The following ZBTB20 variants were observed in gnomAD, a reference collection of about 807,000 sequenced individuals.
ZBTB20 encodes the protein zinc finger and BTB domain-containing protein 20.
A neutral mutation model predicts 56.9 loss-of-function variants in ZBTB20; 9 were observed. That is an observed-to-expected ratio of 0.16 (90% CI 0.10 to 0.28). The LOEUF (loss-of-function observed/expected upper bound fraction) is 0.28. ZBTB20 is among the 10% of genes least tolerant of loss of function. The pLI, the probability that ZBTB20 is intolerant of heterozygous loss-of-function variation, is 1.00. For missense variants in ZBTB20, 655 were observed against 1,003.0 expected, an observed-to-expected ratio of 0.65 and a Z score of 4.69; for synonymous variants, 417 against 420.7, an observed-to-expected ratio of 0.99 and a Z score of 0.11.
At chr3:114,812,684 C>A (rs1238433758) in intron 4 of ZBTB20, among the ~76,000 whole-genome samples, 1 of 152,234 alleles carries the variant, frequency 6.6e-6, no homozygotes, top group Non-Finnish European at 1.5e-5. Flanking sequence ...GCCAGTCCGT[C>A]GCCGTGGGCC....
At chr3:114,977,689 T>G (rs2078159476) in intron 2 of ZBTB20, among the ~76,000 whole-genome samples, 1 of 152,148 alleles carries the variant, frequency 6.6e-6, no homozygotes, top group African/African-American at 2.4e-5. Flanking sequence ...CAAGGACCTC[T>G]AAGAAAATAC....
At chr3:114,474,130 C>T (rs188553697) in intron 7 of ZBTB20, among the ~76,000 whole-genome samples, 115 of 152,272 alleles carry the variant, frequency 7.6e-4, no homozygotes, top group African/African-American at 2.7e-3. Context: ...AAGACAAGCC[C>T]CCTGATTCAA....
chr3:114,588,951 G>A (rs1276375076), intron 6 of ZBTB20, among the ~76,000 whole-genome samples: 2 of 152,078 alleles, frequency 1.3e-5, no homozygotes, highest in Non-Finnish European at 2.9e-5. Flanking sequence ...CTCTTCACCG[G>A]GCAACAGGAG....
At chr3:114,595,987 T>C (rs1385646734) in intron 6 of ZBTB20, among the ~76,000 whole-genome samples, 6 of 152,196 alleles carry the variant, frequency 3.9e-5, no homozygotes, top group Admixed American at 3.9e-4. Context: ...ATTTAACTGA[T>C]AGAGTAGGGA....
At chr3:115,036,934 T>C (rs767973527) in intron 2 of ZBTB20, among the ~76,000 whole-genome samples, 3 of 152,200 alleles carry the variant, frequency 2.0e-5, no homozygotes, top group Non-Finnish European at 2.9e-5. Context: ...GAGAGCATTC[T>C]AAAATATAAT....
intron 4 of ZBTB20, among the ~76,000 whole-genome samples, chr3:114,891,287 TA>T (rs1003289963): frequency 6.6e-6 from 1 of 151,950 alleles, no homozygotes; most frequent in African/African-American, 2.4e-5. Flanking sequence ...CTGCCTAACT[TA>T]AAAAAAATGT....
intron 1 of ZBTB20, among the ~76,000 whole-genome samples, chr3:115,120,130 C>T (rs567272417): frequency 2.6e-5 from 4 of 151,960 alleles, no homozygotes; most frequent in Admixed American, 2.6e-4. Context: ...TTATTCAAAC[C>T]CATAAAATGT....
chr3:114,771,477 GA>G (rs2069194282), intron 5 of ZBTB20, among the ~76,000 whole-genome samples: 1 of 151,986 alleles, frequency 6.6e-6, no homozygotes, highest in South Asian at 2.1e-4. Flanking sequence ...TTTTACTTGG[GA>G]AATTATCCTT....
At chr3:115,000,120 CTAATATT>C (rs2079189611) in intron 2 of ZBTB20, among the ~76,000 whole-genome samples, 1 of 151,412 alleles carries the variant, frequency 6.6e-6, no homozygotes, top group South Asian at 2.1e-4. Flanking sequence ...GCAATACCAT[CTAATATT>C]TAACTTTGAA....
intron 4 of ZBTB20, among the ~76,000 whole-genome samples, chr3:114,885,727 T>A (rs2076579326): frequency 6.6e-6 from 1 of 152,218 alleles, no homozygotes; most frequent in Non-Finnish European, 1.5e-5. Context: ...TCATTTTCAT[T>A]TCTATTTCAT....
At chr3:114,998,059 C>T (rs1185033449) in intron 2 of ZBTB20, among the ~76,000 whole-genome samples, 3 of 151,662 alleles carry the variant, frequency 2.0e-5, no homozygotes, top group African/African-American at 7.3e-5. Context: ...ATGATTACTA[C>T]AGTCAAGCAA....
chr3:114,769,552 C>CATATATAT lies in ZBTB20; in HGVS notation c.-343+31541_-343+31548dup, dbSNP rs6148023. On this transcript the variant is annotated intron_variant, in intron 5 of 11. Transcript: ENST00000675478. ...CTTTGTTTTACTGTGTGCCAAAATGCATATATATATATATATATATATATA... is the reference window on the plus strand; with the variant it reads ...CTTTGTTTTACTGTGTGCCAAAATGCATATATATATATATATATATATATATATATATA... Among the ~76,000 whole-genome samples the CATATATAT allele has an allele frequency of 1.2e-3, 142 of 116,686 alleles. 1 individual carries two copies. Among genetic ancestry groups the CATATATAT allele is most frequent in the African/African-American group, 2.4e-3 (53 of 22,240 alleles). The allele number at this position is 116,686 out of a possible 152,430, so 76.6% of individuals were successfully genotyped here.
rs535897492 is a variant in ZBTB20 at position 114,537,275 on chromosome 3, T to C, written c.-294-36884A>G. Among the ~76,000 whole-genome samples the C allele has an allele frequency of 9.9e-5, 15 of 152,080 alleles. No homozygotes were observed. The East Asian group carries it at 2.9e-3, about 29-fold the overall frequency. On this transcript the variant is annotated intron_variant, in intron 6 of 11. Transcript: ENST00000675478. ...GCTAATATCCAGAATCAACAAGGAA[T>C]TTAAACAAATTTACAAGAAAAAAAC...
intron 7 of ZBTB20, among the ~76,000 whole-genome samples, chr3:114,437,275 T>A (rs2090581053): frequency 6.6e-6 from 1 of 152,168 alleles, no homozygotes; most frequent in Admixed American, 6.5e-5. Context: ...AGAGATGTCA[T>A]GGTTTATCAA....
chr3:114,918,819 T>C (rs2107745018), intron 3 of ZBTB20, among the ~76,000 whole-genome samples: 1 of 152,328 alleles, frequency 6.6e-6, no homozygotes, highest in African/African-American at 2.4e-5. Context: ...CCAATTGCAT[T>C]GCTTGGTGTC....
chr3:114,514,912 G>C (rs892817849), intron 6 of ZBTB20, among the ~76,000 whole-genome samples: 1 of 152,122 alleles, frequency 6.6e-6, no homozygotes, highest in Admixed American at 6.6e-5. Context: ...TTGACCCATG[G>C]GAGGTTCCTA....
intron 7 of ZBTB20, among the ~76,000 whole-genome samples, chr3:114,474,438 A>C (rs2040510677): frequency 6.6e-6 from 1 of 152,236 alleles, no homozygotes; most frequent in African/African-American, 2.4e-5. Context: ...AAGCAGCCAA[A>C]ATTGGTACTA....
At chr3:114,469,823 T>C in intron 7 of ZBTB20, among the ~76,000 whole-genome samples, 1 of 152,310 alleles carries the variant, frequency 6.6e-6, no homozygotes, top group South Asian at 2.1e-4. Context: ...ACTAACTGCA[T>C]GGACAGCATG....
intron 6 of ZBTB20, among the ~76,000 whole-genome samples, chr3:114,511,989 T>G (rs1260146300): frequency 1.3e-5 from 2 of 152,154 alleles, no homozygotes; most frequent in Non-Finnish European, 1.5e-5. Flanking sequence ...AATAGGGTTG[T>G]TGTGATTTCA....
Sources: gnomAD v4.1 joint callset for allele counts (sites outside exome capture counted in the v4.1 genomes callset) on GRCh38, gnomAD v4.1.1 for gene constraint, MANE v1.5 for transcripts, NCBI Gene and HGNC (gene_info 2026-07-23, HGNC 2026-07-21) for gene names.